RHOBTB2: variants seen among roughly 807,000 people sequenced by gnomAD.
RHOBTB2 encodes the protein rho-related BTB domain-containing protein 2.
Under a neutral mutation model 66.5 loss-of-function variants are expected in RHOBTB2, and 39 were observed. That is an observed-to-expected ratio of 0.59 (90% CI 0.45 to 0.77). The LOEUF (loss-of-function observed/expected upper bound fraction) is 0.77, where lower values mean the gene tolerates loss of function less well. Among genes scored for constraint, RHOBTB2 ranks in the 30% least tolerant of loss-of-function variants. RHOBTB2 has a pLI of 0.00. For missense variants in RHOBTB2, 755 were observed against 999.1 expected, an observed-to-expected ratio of 0.76 and a Z score of 3.29; for synonymous variants, 390 against 395.0, an observed-to-expected ratio of 0.99 and a Z score of 0.15.
In RHOBTB2 at chr8:23,004,698, C is replaced by A; in HGVS notation, c.192+72C>A. 2 of 1,429,374 alleles carry A rather than the reference C, an allele frequency of 1.4e-6. No homozygotes were observed. The highest frequency in any genetic ancestry group is 1.9e-6 in the Non-Finnish European group (2 of 1,045,900). 88.5% of individuals were successfully genotyped at this position (1,429,374 alleles called of 1,614,324 possible). Reference sequence around the variant, plus strand: ...GGCTTGGGGGCTTCCTGAGGCATAGCTTGGTGTCTCCAGAGCTCACGGGAG... The same window carrying A: ...GGCTTGGGGGCTTCCTGAGGCATAGATTGGTGTCTCCAGAGCTCACGGGAG... On this transcript the variant is annotated intron_variant, in intron 2 of 9. Coordinates refer to ENST00000251822, the MANE Select transcript of RHOBTB2 (RefSeq NM_015178.3). This position sits in a 1 kb window ranked among gnomAD's most constrained non-coding sequence, Gnocchi z 6.4.
At chr8:22,991,307 C>T (rs909393466) in intron 1 of RHOBTB2, among the ~76,000 whole-genome samples, 10 of 152,180 alleles carry the variant, frequency 6.6e-5, no homozygotes, top group Non-Finnish European at 7.3e-5. Context: ...GGGTCCTGGC[C>T]GTCCCAGCCT....
At chr8:23,016,495 T>G (rs1811295911) in intron 9 of RHOBTB2, among the ~76,000 whole-genome samples, 1 of 152,096 alleles carries the variant, frequency 6.6e-6, no homozygotes, top group Non-Finnish European at 1.5e-5. Flanking sequence ...CACTGCAACC[T>G]CCACCTCCTG....
Position 23,007,945 on chromosome 8 carries a change from T to C in RHOBTB2, c.1502-48T>C, listed in dbSNP as rs767450118. On this transcript the variant is annotated intron_variant, in intron 5 of 9. Coordinates refer to ENST00000251822, the MANE Select transcript of RHOBTB2 (RefSeq NM_015178.3). ...CTCCGTGGCTCCCCTTGGGGCTTGT[T>C]CTCCCAGCTTCTTTCACCAGTCCTC... 5.7e-6 allele frequency: 9 copies of C among 1,574,174 alleles called. No individual in the cohort carries two copies. The Admixed American group carries it at 1.5e-4, about 26-fold the overall frequency.
rs549161602 is a variant in RHOBTB2, at chr8:23,004,008, A to G, written c.-10-417A>G. The G allele has an allele frequency of 2.2e-5, 6 of 274,764 alleles. No homozygotes were observed. In the East Asian group the frequency reaches 5.9e-4, roughly 27 times the overall value. 17.0% of individuals were successfully genotyped at this position (274,764 alleles called of 1,614,324 possible). A position where few individuals can be genotyped will look rare whatever the true frequency, so the allele number is the denominator to read the frequency against. On this transcript the variant is annotated intron_variant, in intron 1 of 9. Coordinates refer to ENST00000251822, the MANE Select transcript of RHOBTB2 (RefSeq NM_015178.3). The surrounding 1 kb of genome is among the most constrained non-coding windows in gnomAD (Gnocchi z 6.4). ...CTGGGAAGGGGTGGGGACGTGGCCG[A>G]CTCTGCTTCTCTCAGCTGTTTGTTG...
chr8:23,007,638 G>T lies in RHOBTB2; in HGVS notation c.1393G>T (p.Ala465Ser). ...GGTCTTTGATCTGCGCATGATGGTG[G>T]CCAACATTCTCAACAATGAGGCCTT... ...LEVFDLRMMV[A>S]NILNNEAFMN... The change falls in exon 5 of 10, where the codon GCC becomes TCC. Residue 465 changes from alanine (A) to serine (S), a missense_variant. Transcript: ENST00000251822. The T allele has an allele frequency of 6.2e-7, 1 of 1,614,158 alleles. No individual in the cohort carries two copies. Among genetic ancestry groups the T allele is most frequent in the Non-Finnish European group, 8.5e-7 (1 of 1,180,028 alleles).
chr8:23,001,235 C>T (rs1241928736), intron 1 of RHOBTB2, among the ~76,000 whole-genome samples: 1 of 151,738 alleles, frequency 6.6e-6, no homozygotes, highest in African/African-American at 2.4e-5. Flanking sequence ...GTGAGGAGGT[C>T]ATAGTTTATG....
chr8:22,958,542 T>C, the RHOBTB2 span, among the ~76,000 whole-genome samples: 1 of 152,102 alleles, frequency 6.6e-6, no homozygotes, highest in Non-Finnish European at 1.5e-5. Context: ...CTCATGCCTG[T>C]AATCACAGCA....
In RHOBTB2 at chr8:22,999,588, T is replaced by C. The variant is rs1209881577; in HGVS notation, c.-528T>C. The C allele has an allele frequency of 1.0e-4, 122 of 1,224,808 alleles. 1 individual carries two copies. Among genetic ancestry groups the C allele is most frequent in the Non-Finnish European group, 8.6e-5 (83 of 964,740 alleles). The allele number at this position is 1,224,808 out of a possible 1,614,324, so 75.9% of individuals were successfully genotyped here. On this transcript the variant is annotated 5_prime_UTR_variant, in exon 1 of 10. Transcript: ENST00000251822. ...TGTCGTCTTGGGTGCGATTTTTTTC[T>C]CCTCCTTTTTTTACCCTCCCGTTTT...
intron 1 of RHOBTB2, 87 bp downstream of exon 1, chr8:23,000,192 C>T (rs777172687): frequency 1.3e-4 from 118 of 911,780 alleles, no homozygotes; most frequent in Non-Finnish European, 1.5e-4. Flanking sequence ...CTGCCGCGCC[C>T]CTCGCTACGT....
chr8:23,010,459 CT>C lies in RHOBTB2; in HGVS notation c.1621-78del, dbSNP rs1811108514. The C allele has an allele frequency of 9.3e-6, 14 of 1,506,206 alleles. No individual in the cohort carries two copies. The South Asian group carries it at 1.2e-4, about 13-fold the overall frequency. The allele number at this position is 1,506,206 out of a possible 1,614,324, so 93.3% of individuals were successfully genotyped here. A position where few individuals can be genotyped will look rare whatever the true frequency, so the allele number is the denominator to read the frequency against. On this transcript the variant is annotated intron_variant, in intron 6 of 9. Coordinates refer to ENST00000251822, the MANE Select transcript of RHOBTB2 (RefSeq NM_015178.3). ...GGGAGCCTGGGTGTGAGGGCCAGAG[CT>C]CTTCAATTTCTCAGGGTTCAGTTCA...
chr8:22,961,644 T>TG, the RHOBTB2 span, among the ~76,000 whole-genome samples: 1 of 151,920 alleles, frequency 6.6e-6, no homozygotes, highest in African/African-American at 2.4e-5. Flanking sequence ...AAAAGGTGGG[T>TG]GGGGAGGGGA....
chr8:23,012,490 C>T (rs1369853779), intron 7 of RHOBTB2, among the ~76,000 whole-genome samples: 1 of 152,118 alleles, frequency 6.6e-6, no homozygotes, highest in African/African-American at 2.4e-5. Context: ...ATATAATTGG[C>T]GATGGTTTAA....
the RHOBTB2 span, among the ~76,000 whole-genome samples, chr8:22,962,202 A>AGG: frequency 8.4e-6 from 1 of 119,664 alleles, no homozygotes; most frequent in African/African-American, 3.7e-5. Context: ...AAAAAAAAAA[A>AGG]AAAAAAAAAA....
intron 1 of RHOBTB2, among the ~76,000 whole-genome samples, chr8:23,001,628 G>A (rs1563288850): frequency 6.6e-6 from 1 of 152,176 alleles, no homozygotes; most frequent in African/African-American, 2.4e-5. Flanking sequence ...TTTCAGCCCA[G>A]CCTCTCTTGG....
chr8:22,976,404 G>T, the RHOBTB2 span, among the ~76,000 whole-genome samples: 2 of 152,124 alleles, frequency 1.3e-5, no homozygotes, highest in African/African-American at 4.8e-5. Context: ...GGGACAAAAA[G>T]AGCTGTGGAA....
chr8:23,004,753 G>C lies in RHOBTB2; in HGVS notation c.192+127G>C. On this transcript the variant is annotated intron_variant, in intron 2 of 9. Coordinates refer to ENST00000251822, the MANE Select transcript of RHOBTB2 (RefSeq NM_015178.3). The surrounding 1 kb of genome is among the most constrained non-coding windows in gnomAD (Gnocchi z 6.4). The stretch of plus-strand genomic sequence containing the variant: ...CTAGGGGTGGGACAGGATGGGTTGG[G>C]GGCAGCTGAAGAGGAAGGAGCCCCT... 1 of 900,490 alleles carries C rather than the reference G, an allele frequency of 1.1e-6. No homozygotes were observed. The highest frequency in any genetic ancestry group is 1.6e-5 in the South Asian group (1 of 63,130). 55.8% of individuals were successfully genotyped at this position (900,490 alleles called of 1,614,324 possible). A position where few individuals can be genotyped will look rare whatever the true frequency, so the allele number is the denominator to read the frequency against.
intron 1 of RHOBTB2, among the ~76,000 whole-genome samples, chr8:23,003,870 G>A (rs1389501962): frequency 3.3e-5 from 5 of 152,204 alleles, no homozygotes; most frequent in African/African-American, 7.2e-5. Context: ...GCAGGCTAGG[G>A]CTTGGAAATC....
At position 23,006,609 on chromosome 8, in the gene RHOBTB2, G is replaced by A. The variant is rs1810956092; in HGVS notation, c.483-119G>A. 1.0e-6 allele frequency: 1 copy of A among 955,282 alleles called. No homozygotes were observed. The highest frequency in any genetic ancestry group is 1.6e-5 in the African/African-American group (1 of 60,986). The allele number at this position is 955,282 out of a possible 1,614,324, so 59.2% of individuals were successfully genotyped here. Reference sequence around the variant, plus strand: ...GATGGGATTTGGCCAGACAGAGCAGGGCAGGAGTGGGTGGGGATTGGCACC... The same window carrying A: ...GATGGGATTTGGCCAGACAGAGCAGAGCAGGAGTGGGTGGGGATTGGCACC... On this transcript the variant is annotated intron_variant, in intron 4 of 9. Transcript: ENST00000251822. The surrounding 1 kb of genome is among the most constrained non-coding windows in gnomAD (Gnocchi z 6.1).
the RHOBTB2 span, among the ~76,000 whole-genome samples, chr8:22,954,380 T>C: frequency 6.6e-6 from 1 of 152,246 alleles, no homozygotes; most frequent in Admixed American, 6.5e-5. Context: ...CAAAAATCAC[T>C]CTATTGGCTG....
Sources: gnomAD v4.1 joint callset for allele counts (sites outside exome capture counted in the v4.1 genomes callset) on GRCh38, gnomAD v4.1.1 for gene constraint, Gnocchi (gnomAD v3.1) non-coding constraint, MANE v1.5 for transcripts, NCBI Gene and HGNC (gene_info 2026-07-23, HGNC 2026-07-21) for gene names.